Variants in RPS6KA2 observed in about 807,000 individuals in gnomAD.
The protein encoded by RPS6KA2 is ribosomal protein S6 kinase alpha-2.
Under a neutral mutation model 91.8 loss-of-function variants are expected in RPS6KA2, and 42 were observed. The observed-to-expected ratio is 0.46, with a 90% confidence interval of 0.36 to 0.59. The LOEUF (loss-of-function observed/expected upper bound fraction) is 0.59, where lower values mean the gene tolerates loss of function less well. Ranked by LOEUF, RPS6KA2 falls within the 20% of genes least tolerant of loss-of-function variation. RPS6KA2 has a pLI of 0.00. For missense variants in RPS6KA2, 798 were observed against 978.5 expected, an observed-to-expected ratio of 0.82 and a Z score of 2.46; for synonymous variants, 414 against 393.6, an observed-to-expected ratio of 1.05 and a Z score of -0.61.
intron 2 of RPS6KA2, among the ~76,000 whole-genome samples, chr6:166,842,669 G>A (rs1056281346): frequency 2.6e-5 from 4 of 152,200 alleles, no homozygotes; most frequent in African/African-American, 4.8e-5. Flanking sequence ...TGAGCATCAC[G>A]TCCCACAACT....
intron 3 of RPS6KA2, among the ~76,000 whole-genome samples, chr6:166,516,873 C>T (rs1166726468): frequency 6.6e-6 from 1 of 152,188 alleles, no homozygotes; most frequent in Admixed American, 6.5e-5. Context: ...GTTCCTACTC[C>T]ATCTTGCCAT....
intron 1 of RPS6KA2, among the ~76,000 whole-genome samples, chr6:166,566,576 C>G (rs144339018): frequency 1.3e-3 from 202 of 152,334 alleles, no homozygotes; most frequent in African/African-American, 4.8e-3. Flanking sequence ...AAGCTCCATG[C>G]GATGCTATGG....
At chr6:166,584,038 T>C (rs1785099651) in intron 1 of RPS6KA2, among the ~76,000 whole-genome samples, 1 of 152,230 alleles carries the variant, frequency 6.6e-6, no homozygotes, top group African/African-American at 2.4e-5. Flanking sequence ...GTTAATAAAT[T>C]TAAAATGCCT....
At chr6:166,420,063 G>T in intron 17 of RPS6KA2, 105 bp from the exon 18 acceptor site, 2 of 1,057,352 alleles carry the variant, frequency 1.9e-6, no homozygotes, top group Non-Finnish European at 2.9e-6. Context: ...GGGACCAGGA[G>T]GAGGGCGGTG....
intron 1 of RPS6KA2, chr6:166,542,554 A>G (rs926029260): frequency 2.0e-5 from 3 of 152,248 alleles, no homozygotes; most frequent in Non-Finnish European, 2.9e-5. Flanking sequence ...GTAAGAAAGA[A>G]AAACTAGAGG....
chr6:166,643,301 G>A lies in RPS6KA2; in HGVS notation c.124-104517C>T, dbSNP rs529104056. Among the ~76,000 whole-genome samples the A allele has an allele frequency of 7.2e-5, 11 of 152,218 alleles. No individual in the cohort carries two copies. In the South Asian group the frequency reaches 2.3e-3, roughly 32 times the overall value. On this transcript the variant is annotated intron_variant, in intron 2 of 21. Coordinates refer to the RPS6KA2 transcript ENST00000503859. The stretch of plus-strand genomic sequence containing the variant: ...AAACTCTCTAGTTAAAAGACAAAGA[G>A]TGCCAAATAGGTTTACAATAAATTT...
chr6:166,541,964 G>A (rs1316139223), intron 1 of RPS6KA2, among the ~76,000 whole-genome samples: 1 of 152,086 alleles, frequency 6.6e-6, no homozygotes, highest in Non-Finnish European at 1.5e-5. Context: ...AGGCGTCAAT[G>A]GAAAAAAATC....
intron 1 of RPS6KA2, among the ~76,000 whole-genome samples, chr6:166,579,588 T>C (rs1784942396): frequency 6.6e-6 from 1 of 152,206 alleles, no homozygotes; most frequent in South Asian, 2.1e-4. Context: ...TTGGAGAAGA[T>C]GAACATCCTA....
intron 2 of RPS6KA2, among the ~76,000 whole-genome samples, chr6:166,834,457 G>A (rs984199634): frequency 1.3e-5 from 2 of 152,134 alleles, no homozygotes; most frequent in African/African-American, 2.4e-5. Flanking sequence ...ACGTTGGGGT[G>A]TATCAGAGGG....
rs931785071 is a variant in RPS6KA2 at position 166,648,029 on chromosome 6, CACACATGCTCTCACACACAT to C, written c.124-109265_124-109246del. ...ACGCACATGCTTACACACATACATACACACATGCTCTCACACACATGCACATGCTCACACACATGCACACG... is the reference window on the plus strand; with the variant it reads ...ACGCACATGCTTACACACATACATACGCACATGCTCACACACATGCACACG... On this transcript the variant is annotated intron_variant, in intron 2 of 21. Transcript: ENST00000503859. This position sits in a 1 kb window ranked among gnomAD's most constrained non-coding sequence, Gnocchi z 4.8. 2.1e-5 allele frequency among the ~76,000 whole-genome samples: 3 copies of C among 143,554 alleles called. No homozygotes were observed. The highest frequency in any genetic ancestry group is 1.4e-4 in the Admixed American group (2 of 14,314). 94.2% of individuals were successfully genotyped at this position (143,554 alleles called of 152,430 possible).
At chr6:166,567,742 T>C (rs1319095069) in intron 1 of RPS6KA2, among the ~76,000 whole-genome samples, 1 of 152,152 alleles carries the variant, frequency 6.6e-6, no homozygotes, top group Non-Finnish European at 1.5e-5. Context: ...CAGTCTAAAC[T>C]GGAAAACCTG....
At chr6:166,824,609 G>T (rs1779986504) in intron 2 of RPS6KA2, among the ~76,000 whole-genome samples, 1 of 148,992 alleles carries the variant, frequency 6.7e-6, no homozygotes, top group Non-Finnish European at 1.5e-5. Context: ...TGTCTAATAT[G>T]TGTGTGTCTG....
At chr6:166,721,659 A>G (rs1283051742) in intron 2 of RPS6KA2, among the ~76,000 whole-genome samples, 1 of 152,174 alleles carries the variant, frequency 6.6e-6, no homozygotes, top group African/African-American at 2.4e-5. Context: ...CCCTCCTTCT[A>G]AGACCGAGTC....
intron 2 of RPS6KA2, among the ~76,000 whole-genome samples, chr6:166,647,960 TTACATACATACACACATGCTCA>T (rs1391648733): frequency 4.0e-5 from 3 of 75,896 alleles, no homozygotes; most frequent in African/African-American, 1.6e-4. Flanking sequence ...ATGCACATGC[TTACATACATACACACATGCTCA>T]CACACACGCA....
At chr6:166,757,422 G>C (rs1290835769) in intron 2 of RPS6KA2, 2 of 435,920 alleles carry the variant, frequency 4.6e-6, no homozygotes, top group African/African-American at 4.0e-5. Context: ...CCAGAAAACA[G>C]CTTGCCCCTG....
At chr6:166,719,712 C>T (rs1028193298) in intron 2 of RPS6KA2, among the ~76,000 whole-genome samples, 19 of 152,310 alleles carry the variant, frequency 1.2e-4, no homozygotes, top group Admixed American at 9.2e-4. Flanking sequence ...CGTTCATCAA[C>T]GGAGGGATAG....
intron 16 of RPS6KA2, among the ~76,000 whole-genome samples, chr6:166,425,419 C>T (rs184249375): frequency 4.5e-4 from 68 of 151,766 alleles, no homozygotes; most frequent in African/African-American, 1.5e-3. Context: ...CAGCTAACAT[C>T]GTAATGACAG....
Position 166,825,509 on chromosome 6 carries a change from A to ACTTAGCTACTTACCCTAGACTGGGTAG in RPS6KA2, c.123+32664_123+32690dup, listed in dbSNP as rs370321416. ...ATCATTATAGTCCCTTCAGGGTGCT[A>ACTTAGCTACTTACCCTAGACTGGGTAG]CTTAGCTACTTACCCTAGACTGGGT... On this transcript the variant is annotated intron_variant, in intron 2 of 21. Transcript: ENST00000503859. The surrounding 1 kb of genome is among the most constrained non-coding windows in gnomAD (Gnocchi z 4.1). Among the ~76,000 whole-genome samples, 10 of 152,204 alleles carry ACTTAGCTACTTACCCTAGACTGGGTAG rather than the reference A, an allele frequency of 6.6e-5. No homozygotes were observed. In the East Asian group the frequency reaches 1.8e-3, roughly 27 times the overall value.
In RPS6KA2 at chr6:166,423,135, A is replaced by T; in HGVS notation, c.1743+121T>A. ...GTTCTCGTTTCTGTTTCCCAACACC[A>T]CTGCTGACGCAGCTCAAGCCGCCTC... On this transcript the variant is annotated intron_variant, in intron 17 of 20. Coordinates refer to ENST00000265678, the MANE Select transcript of RPS6KA2 (RefSeq NM_021135.6). The surrounding 1 kb of genome is among the most constrained non-coding windows in gnomAD (Gnocchi z 4.8). 1.0e-6 allele frequency: 1 copy of T among 982,590 alleles called. No individual in the cohort carries two copies. The highest frequency in any genetic ancestry group is 1.5e-6 in the Non-Finnish European group (1 of 677,860). The allele number at this position is 982,590 out of a possible 1,614,324, so 60.9% of individuals were successfully genotyped here. A position where few individuals can be genotyped will look rare whatever the true frequency, so the allele number is the denominator to read the frequency against.
Sources: allele counts gnomAD v4.1 joint callset (sites outside exome capture counted in the v4.1 genomes callset), GRCh38; gene constraint gnomAD v4.1.1; non-coding constraint Gnocchi (gnomAD v3.1); transcripts MANE v1.5; gene names NCBI Gene and HGNC (gene_info 2026-07-23, HGNC 2026-07-21).